Variants in L3MBTL4 observed in about 807,000 individuals in gnomAD.
L3MBTL4 encodes the protein lethal(3)malignant brain tumor-like protein 4.
L3MBTL4 carries 70 observed loss-of-function variants against 84.5 expected under a neutral mutation model. The ratio of observed to expected loss-of-function variants is 0.83; its 90% confidence interval spans 0.68 to 1.01. The LOEUF is 1.01. Among genes scored for constraint, L3MBTL4 ranks in the 50% least tolerant of loss-of-function variants. L3MBTL4 has a pLI of 0.00. For synonymous variants in L3MBTL4, 274 were observed against 259.8 expected, an observed-to-expected ratio of 1.05 and a Z score of -0.52; for missense variants, 715 against 754.8, an observed-to-expected ratio of 0.95 and a Z score of 0.62.
chr18:6,124,077 A>G (rs2059611294), intron 14 of L3MBTL4, among the ~76,000 whole-genome samples: 1 of 152,198 alleles, frequency 6.6e-6, no homozygotes, highest in Non-Finnish European at 1.5e-5. Flanking sequence ...TAAGGCAGTC[A>G]CCACATGAAA....
intron 11 of L3MBTL4, among the ~76,000 whole-genome samples, chr18:6,215,524 T>G (rs761320635): frequency 2.6e-5 from 4 of 152,146 alleles, no homozygotes; most frequent in Non-Finnish European, 5.9e-5. Context: ...TACCTCTGAT[T>G]TGCCATTTTT....
intron 11 of L3MBTL4, 104 bp downstream of exon 11, chr18:6,215,646 A>C: frequency 1.8e-6 from 1 of 553,266 alleles, no homozygotes; most frequent in Admixed American, 3.8e-5. Context: ...TTACTACTTG[A>C]ATTTAGAAAG....
intron 16 of L3MBTL4, among the ~76,000 whole-genome samples, chr18:6,075,179 G>C (rs1344000599): frequency 6.6e-6 from 1 of 152,098 alleles, no homozygotes; most frequent in Non-Finnish European, 1.5e-5. Flanking sequence ...GTGTGTAAGT[G>C]AACAAGCTGA....
intron 13 of L3MBTL4, among the ~76,000 whole-genome samples, chr18:6,150,873 T>C (rs891564434): frequency 2.0e-5 from 3 of 152,194 alleles, no homozygotes; most frequent in African/African-American, 7.2e-5. Context: ...AGGCACTCCA[T>C]TCAGAGAAGG....
At chr18:6,189,587 T>C (rs2044963804) in intron 12 of L3MBTL4, among the ~76,000 whole-genome samples, 1 of 152,158 alleles carries the variant, frequency 6.6e-6, no homozygotes, top group Non-Finnish European at 1.5e-5. Context: ...ATGATCCAGA[T>C]GTTAAAACTA....
chr18:6,027,966 T>A (rs184190792), intron 16 of L3MBTL4, among the ~76,000 whole-genome samples: 58 of 152,296 alleles, frequency 3.8e-4, no homozygotes, highest in Non-Finnish European at 7.9e-4. Flanking sequence ...TTTGCAAAAA[T>A]TTTCTCCCAT....
intron 13 of L3MBTL4, among the ~76,000 whole-genome samples, chr18:6,140,686 AGCTATG>A (rs2060171794): frequency 1.3e-5 from 2 of 152,166 alleles, no homozygotes; most frequent in Admixed American, 1.3e-4. Context: ...AGGATCTGTA[AGCTATG>A]AGGTATTTTA....
chr18:6,347,553 G>T (rs2052973058), intron 1 of L3MBTL4, among the ~76,000 whole-genome samples: 1 of 150,724 alleles, frequency 6.6e-6, no homozygotes, highest in Admixed American at 6.6e-5. Flanking sequence ...TTAAAACATG[G>T]GAGGAAAATA....
At chr18:6,155,486 G>C (rs1432781630) in intron 13 of L3MBTL4, among the ~76,000 whole-genome samples, 1 of 152,134 alleles carries the variant, frequency 6.6e-6, no homozygotes, top group Admixed American at 6.5e-5. Flanking sequence ...AAAGATCTAT[G>C]GTTCTCATGG....
chr18:6,244,218 C>T (rs1015244827), intron 6 of L3MBTL4, among the ~76,000 whole-genome samples: 2 of 152,082 alleles, frequency 1.3e-5, no homozygotes, highest in African/African-American at 4.8e-5. Flanking sequence ...CACTGGGATT[C>T]ACAGATTGTT....
chr18:6,128,177 GAAAA>G (rs562513005), intron 14 of L3MBTL4, among the ~76,000 whole-genome samples: 1 of 137,758 alleles, frequency 7.3e-6, no homozygotes, highest in African/African-American at 2.7e-5. Flanking sequence ...CTCAGAAACT[GAAAA>G]AAAAAAACAC....
chr18:6,395,941 C>A (rs759778242), intron 1 of L3MBTL4: 5 of 152,090 alleles, frequency 3.3e-5, no homozygotes, highest in Admixed American at 1.3e-4. Context: ...CTAAAACTGT[C>A]ATATTCACAA....
intron 14 of L3MBTL4, among the ~76,000 whole-genome samples, chr18:6,117,004 A>G (rs1289611301): frequency 6.6e-6 from 1 of 152,142 alleles, no homozygotes; most frequent in Admixed American, 6.5e-5. Flanking sequence ...GCATTACACC[A>G]TATGCATTGC....
chr18:6,261,214 A>T (rs545337587), intron 5 of L3MBTL4, among the ~76,000 whole-genome samples: 4 of 152,312 alleles, frequency 2.6e-5, no homozygotes, highest in African/African-American at 9.6e-5. Flanking sequence ...ACCATGTCAT[A>T]CGTTCTTTAG....
chr18:6,271,969 C>A (rs557540030), intron 4 of L3MBTL4, among the ~76,000 whole-genome samples: 2 of 152,118 alleles, frequency 1.3e-5, no homozygotes, highest in African/African-American at 2.4e-5. Context: ...GAGGTCAAAG[C>A]GTGAAAGGAA....
chr18:5,956,412 A>T (rs753297803), intron 18 of L3MBTL4, 25 bp from the exon 19 acceptor site: 1 of 1,609,998 alleles, frequency 6.2e-7, no homozygotes, highest in Admixed American at 1.7e-5. Flanking sequence ...ATAGACACAA[A>T]TAAAAATGTT....
chr18:6,157,485 ATCAT>A (rs1372941225), intron 13 of L3MBTL4, among the ~76,000 whole-genome samples: 1 of 152,220 alleles, frequency 6.6e-6, no homozygotes, highest in Non-Finnish European at 1.5e-5. Flanking sequence ...GGCATTATTA[ATCAT>A]TCATTGCTTA....
intron 4 of L3MBTL4, among the ~76,000 whole-genome samples, chr18:6,266,335 AT>A (rs2048631034): frequency 1.3e-5 from 2 of 152,330 alleles, no homozygotes; most frequent in South Asian, 4.1e-4. Context: ...CACAATCTAT[AT>A]TTTAAAAATT....
chr18:6,388,806 C>G (rs1363983898), intron 1 of L3MBTL4, among the ~76,000 whole-genome samples: 1 of 152,128 alleles, frequency 6.6e-6, no homozygotes, highest in Non-Finnish European at 1.5e-5. Flanking sequence ...GTTGAGACAC[C>G]CTGGGTCCTT....
Sources: gnomAD v4.1 joint callset for allele counts (sites outside exome capture counted in the v4.1 genomes callset) on GRCh38, gnomAD v4.1.1 for gene constraint, MANE v1.5 for transcripts, NCBI Gene and HGNC (gene_info 2026-07-23, HGNC 2026-07-21) for gene names.